The following EYA4 variants were observed in gnomAD, a reference collection of about 807,000 sequenced individuals.
EYA4 encodes the protein protein phosphatase EYA4.
Under a neutral mutation model 87.9 loss-of-function variants are expected in EYA4, and 31 were observed. The ratio of observed to expected loss-of-function variants is 0.35; its 90% CI spans 0.27 to 0.48. The LOEUF (loss-of-function observed/expected upper bound fraction) is 0.48. EYA4 is among the 20% of genes least tolerant of loss of function. The probability of loss-of-function intolerance (pLI) is 0.99; values close to 1 mark genes in which losing one functional copy is unlikely to be tolerated. For missense variants in EYA4, 678 were observed against 761.4 expected (o/e 0.89, Z 1.29); for synonymous variants, 263 against 270.6 (o/e 0.97, Z 0.28).
In EYA4 at chr6:133,394,284, G is replaced by GTTTTTTT. The variant is rs869103311; in HGVS notation, c.83+11871_83+11877dup. 9.0e-3 allele frequency among the ~76,000 whole-genome samples: 160 copies of GTTTTTTT among 17,810 alleles called. 23 individuals carry two copies. The highest frequency in any genetic ancestry group is 0.031 in the Middle Eastern group (1 of 32). The allele number at this position is 17,810 out of a possible 152,430, so 11.7% of individuals were successfully genotyped here. A position where few individuals can be genotyped will look rare whatever the true frequency, so the allele number is the denominator to read the frequency against. ...TGGAAAAATGTATATATAAGCTTGT[G>GTTTTTTT]TTTTTTTTTTTTTTTTTTTTTTTTT... is the stretch of plus-strand genomic sequence containing the variant. On this transcript the variant is annotated intron_variant, in intron 3 of 19. Transcript: ENST00000355286.
chr6:133,291,598 A>G (rs554735993), intron 2 of EYA4, among the ~76,000 whole-genome samples: 1 of 152,218 alleles, frequency 6.6e-6, no homozygotes, highest in African/African-American at 2.4e-5. Flanking sequence ...TATTAAAGAA[A>G]GTAAGGCTGA....
chr6:133,424,372 C>T (rs1790466783), intron 3 of EYA4, among the ~76,000 whole-genome samples: 1 of 152,176 alleles, frequency 6.6e-6, no homozygotes, highest in East Asian at 1.9e-4. Context: ...TGGGGCCTTA[C>T]TGAGGACCCT....
At chr6:133,378,252 C>T (rs905000041) in intron 2 of EYA4, among the ~76,000 whole-genome samples, 1 of 152,152 alleles carries the variant, frequency 6.6e-6, no homozygotes, top group South Asian at 2.1e-4. Context: ...TCCAGCCTTG[C>T]TAGTGTTAGC....
At chr6:133,492,669 CT>C (rs1797290053) in intron 13 of EYA4, among the ~76,000 whole-genome samples, 1 of 152,076 alleles carries the variant, frequency 6.6e-6, no homozygotes, top group African/African-American at 2.4e-5. Context: ...TCAAATTAGC[CT>C]TATTTGTAGA....
At chr6:133,285,385 A>G (rs114068949) in intron 2 of EYA4, among the ~76,000 whole-genome samples, 5,329 of 152,188 alleles carry the variant, frequency 0.035, 324 homozygotes, top group African/African-American at 0.12. Context: ...GGGAACAGCA[A>G]CCGTGAGGTG....
At chr6:133,522,494 G>A (rs1800272464) in intron 17 of EYA4, among the ~76,000 whole-genome samples, 1 of 152,026 alleles carries the variant, frequency 6.6e-6, no homozygotes, top group Admixed American at 6.6e-5. Context: ...TTCCCAATGG[G>A]AAAACAAAAT....
intron 3 of EYA4, among the ~76,000 whole-genome samples, chr6:133,403,899 C>T (rs961770692): frequency 6.6e-6 from 1 of 152,104 alleles, no homozygotes; most frequent in Non-Finnish European, 1.5e-5. Flanking sequence ...CAACCTCTGC[C>T]CCCAGAGTTC....
chr6:133,380,133 C>T (rs574494216), intron 2 of EYA4, among the ~76,000 whole-genome samples: 2 of 152,182 alleles, frequency 1.3e-5, no homozygotes, highest in African/African-American at 2.4e-5. Context: ...GATAGACTTC[C>T]CCTAGAGTAG....
chr6:133,517,048 G>A (rs1425865426), intron 17 of EYA4, among the ~76,000 whole-genome samples: 1 of 152,136 alleles, frequency 6.6e-6, no homozygotes, highest in African/African-American at 2.4e-5. Context: ...TGGGATTGCT[G>A]GGTTAAATAG....
At chr6:133,428,543 G>T (rs1473900025) in intron 3 of EYA4, among the ~76,000 whole-genome samples, 1 of 152,184 alleles carries the variant, frequency 6.6e-6, no homozygotes, top group East Asian at 1.9e-4. Context: ...AATTCCAGAG[G>T]TAGACTGGCC....
chr6:133,528,623 C>T, intron 19 of EYA4, 102 bp from the exon 20 acceptor site: 1 of 882,194 alleles, frequency 1.1e-6, no homozygotes, highest in Admixed American at 1.7e-5. Flanking sequence ...ACCACACATC[C>T]CTGTGTGTGC....
chr6:133,365,197 G>A (rs1784765011), intron 2 of EYA4, among the ~76,000 whole-genome samples: 1 of 152,132 alleles, frequency 6.6e-6, no homozygotes, highest in African/African-American at 2.4e-5. Context: ...TGGGTAAACT[G>A]CTCACCAAGC....
At chr6:133,468,960 A>G (rs754622438) in intron 11 of EYA4, among the ~76,000 whole-genome samples, 1 of 152,092 alleles carries the variant, frequency 6.6e-6, no homozygotes, top group Non-Finnish European at 1.5e-5. Context: ...TGGTGTACAT[A>G]TGAATATGGA....
intron 1 of EYA4, among the ~76,000 whole-genome samples, chr6:133,243,156 G>A (rs1774112807): frequency 6.6e-6 from 1 of 151,550 alleles, no homozygotes; most frequent in Admixed American, 6.6e-5. Context: ...CAGGACTCTG[G>A]TGTTCAAACC....
intron 1 of EYA4, among the ~76,000 whole-genome samples, chr6:133,261,597 T>C (rs1489982808): frequency 6.6e-6 from 1 of 152,224 alleles, no homozygotes; most frequent in African/African-American, 2.4e-5. Context: ...GTTCAGAGAA[T>C]TGGTAAAAGA....
At chr6:133,480,697 T>A (rs916334032) in intron 11 of EYA4, among the ~76,000 whole-genome samples, 4 of 152,318 alleles carry the variant, frequency 2.6e-5, no homozygotes, top group African/African-American at 9.6e-5. Flanking sequence ...GCAATTAACA[T>A]AGAAGTGATG....
chr6:133,292,931 G>T (rs1778604979), intron 2 of EYA4, among the ~76,000 whole-genome samples: 1 of 152,194 alleles, frequency 6.6e-6, no homozygotes. Flanking sequence ...ATCAGTCTGA[G>T]TATAATGAAG....
At chr6:133,304,268 C>T (rs1164222733) in intron 2 of EYA4, among the ~76,000 whole-genome samples, 1 of 152,066 alleles carries the variant, frequency 6.6e-6, no homozygotes, top group Non-Finnish European at 1.5e-5. Context: ...GTGGGGAAGA[C>T]AAACATTAAC....
chr6:133,422,928 G>A, intron 3 of EYA4, among the ~76,000 whole-genome samples: 1 of 152,028 alleles, frequency 6.6e-6, no homozygotes, highest in East Asian at 1.9e-4. Flanking sequence ...TGTATCTCTG[G>A]CAACAGTTTT....
Sources: allele counts gnomAD v4.1 joint callset (sites outside exome capture counted in the v4.1 genomes callset), GRCh38; gene constraint gnomAD v4.1.1; transcripts MANE v1.5; gene names NCBI Gene and HGNC (gene_info 2026-07-23, HGNC 2026-07-21).